Variants in SLC5A7 observed in about 807,000 individuals in gnomAD.
SLC5A7 encodes the protein high affinity choline transporter 1.
Under a neutral mutation model 55.4 loss-of-function variants are expected in SLC5A7, and 19 were observed. The observed-to-expected ratio is 0.34, with a 90% CI of 0.24 to 0.50. The LOEUF is 0.50. Ranked by LOEUF, SLC5A7 falls within the 20% of genes least tolerant of loss-of-function variation. The pLI, the probability that SLC5A7 is intolerant of heterozygous loss-of-function variation, is 0.98. For missense variants in SLC5A7, 506 were observed against 705.3 expected (o/e 0.72, Z 3.20); for synonymous variants, 265 against 263.7 (o/e 1.00, Z -0.05).
Position 108,001,967 on chromosome 2 carries a change from A to G in SLC5A7, c.668A>G (p.Lys223Arg). The change falls in exon 6 of 9, where the codon AAA (lysine) becomes AGA (arginine). Residue 223 changes from lysine (K) to arginine (R), a missense_variant. Physicochemically the swap from Lys to Arg is conservative, Grantham distance 26. Around this residue, in one of 4 missense-constraint regions of SLC5A7, gnomAD observed 309 missense variants for 478.6 expected, o/e 0.65. Transcript: ENST00000264047. The part of the protein sequence containing the change: ...ADIGFTAVHA[K>R]YQKPWLGTVD... ...ATCGGGTTCACTGCTGTGCATGCCAAATACCAAAAGCCGTGGCTGGGAACT... is the reference window on the plus strand; with the variant it reads ...ATCGGGTTCACTGCTGTGCATGCCAGATACCAAAAGCCGTGGCTGGGAACT... 1 of 1,614,228 alleles carries G rather than the reference A, an allele frequency of 6.2e-7. No homozygotes were observed. Among genetic ancestry groups the G allele is most frequent in the Non-Finnish European group, 8.5e-7 (1 of 1,180,036 alleles).
chr2:108,008,704 C>G, intron 8 of SLC5A7, 22 bp downstream of exon 8: 1 of 1,589,314 alleles, frequency 6.3e-7, no homozygotes. Flanking sequence ...TTCTTTCAAC[C>G]TGACATTTAC....
chr2:108,006,223 C>T (rs1678116663), intron 7 of SLC5A7, 21 bp downstream of exon 7: 9 of 1,612,922 alleles, frequency 5.6e-6, no homozygotes, highest in Non-Finnish European at 7.6e-6. Context: ...TGCAGCTTCA[C>T]CACATGTGCC....
At chr2:108,010,044 C>T (rs904929752) in intron 8 of SLC5A7, among the ~76,000 whole-genome samples, 188 bp from the exon 9 acceptor site, 2 of 152,126 alleles carry the variant, frequency 1.3e-5, no homozygotes, top group African/African-American at 4.8e-5. Context: ...TCCCAAAGGT[C>T]CACCCAGGAA....
At chr2:107,997,716 C>A in intron 4 of SLC5A7, 122 bp from the exon 5 acceptor site, 1 of 947,414 alleles carries the variant, frequency 1.1e-6, no homozygotes, top group Non-Finnish European at 1.5e-6. Context: ...GTGTTTTCAT[C>A]CACTGCATTT....
Position 108,006,113 on chromosome 2 carries a change from A to G in SLC5A7, c.806A>G (p.Tyr269Cys). 6.2e-7 allele frequency: 1 copy of G among 1,614,134 alleles called. No homozygotes were observed. Among genetic ancestry groups the G allele is most frequent in the Non-Finnish European group, 8.5e-7 (1 of 1,180,004 alleles). ...GTTCTCTCTTCTTCCTCAGCCACCT[A>G]TGCTCAAGTGCTGTCCTTCCTGGCA... ...QRVLSSSSAT[Y>C]AQVLSFLAAF... Residue 269 changes from tyrosine (Y) to cysteine (C), a missense_variant, in exon 7 of 9, where the codon TAT becomes TGT. By Grantham distance (194) the Tyr-to-Cys change is radical (BLOSUM62 -2). Transcript: ENST00000264047.
chr2:107,993,033 T>A lies in SLC5A7; in HGVS notation c.354T>A (p.Phe118Leu). 1 of 1,614,250 alleles carries A rather than the reference T, an allele frequency of 6.2e-7. No individual in the cohort carries two copies. Among genetic ancestry groups the A allele is most frequent in the East Asian group, 2.2e-5 (1 of 44,886 alleles). ...SKGYVTMLDP[F>L]QQIYGKRMGG... The stretch of plus-strand genomic sequence containing the variant: ...GGTATGTGACCATGTTAGACCCGTT[T>A]CAGCAAATCTATGGAAAACGCATGG... The change falls in exon 4 of 9, where the codon TTT (phenylalanine) becomes TTA (leucine). Residue 118 changes from phenylalanine to leucine, a missense_variant. Around this residue, in one of 4 missense-constraint regions of SLC5A7, gnomAD observed 309 missense variants for 478.6 expected, o/e 0.65. Coordinates refer to ENST00000264047, the MANE Select transcript of SLC5A7 (RefSeq NM_021815.5).
Position 107,997,577 on chromosome 2 carries a change from T to C in SLC5A7, c.449-261T>C, listed in dbSNP as rs1677715545. 2.0e-5 allele frequency among the ~76,000 whole-genome samples: 3 copies of C among 152,220 alleles called. No homozygotes were observed. In the East Asian group the frequency reaches 5.8e-4, roughly 29 times the overall value. On this transcript the variant is annotated intron_variant, in intron 4 of 8. Coordinates refer to ENST00000264047, the MANE Select transcript of SLC5A7 (RefSeq NM_021815.5). ...TTTCTCAGTAATTCAGGGTCTTCTATAACCATACCATGGATCTGTGTGTCC... is the reference window on the plus strand; with the variant it reads ...TTTCTCAGTAATTCAGGGTCTTCTACAACCATACCATGGATCTGTGTGTCC...
chr2:107,999,443 C>T (rs1165098287), intron 5 of SLC5A7, among the ~76,000 whole-genome samples: 1 of 152,138 alleles, frequency 6.6e-6, no homozygotes, highest in Non-Finnish European at 1.5e-5. Flanking sequence ...GAGACTAGAA[C>T]TTAAAACCCA....
chr2:108,006,324 T>C (rs1193642110), intron 7 of SLC5A7, 122 bp downstream of exon 7: 24 of 1,104,256 alleles, frequency 2.2e-5, no homozygotes, highest in Non-Finnish European at 3.1e-5. Context: ...CATTCATATC[T>C]ATAGATTTGT....
At chr2:107,995,723 T>C (rs1424695514) in intron 4 of SLC5A7, among the ~76,000 whole-genome samples, 3 of 152,214 alleles carry the variant, frequency 2.0e-5, no homozygotes, top group African/African-American at 7.2e-5. Context: ...TTTCTGTGAA[T>C]GTGTATAGTT....
At position 108,012,300 on chromosome 2, in the gene SLC5A7, T is replaced by C. The variant is rs1678363017; in HGVS notation, c.*1439T>C. 6.6e-6 allele frequency: 1 copy of C among 152,154 alleles called. No individual in the cohort carries two copies. Among genetic ancestry groups the C allele is most frequent in the South Asian group, 2.1e-4 (1 of 4,832 alleles). 9.4% of individuals were successfully genotyped at this position (152,154 alleles called of 1,614,324 possible). On this transcript the variant is annotated 3_prime_UTR_variant, in exon 9 of 9. Coordinates refer to ENST00000264047, the MANE Select transcript of SLC5A7 (RefSeq NM_021815.5). ...CAAAGTGAAGTGATGAGCTGAAAAG[T>C]GATCAGGGAATCTGATCCCATAAAG...
chr2:107,994,157 G>A (rs1323662113), intron 4 of SLC5A7, among the ~76,000 whole-genome samples: 1 of 152,120 alleles, frequency 6.6e-6, no homozygotes, highest in Non-Finnish European at 1.5e-5. Context: ...TCCCCATAAA[G>A]GTGTGCACTG....
chr2:107,993,195 T>G, intron 4 of SLC5A7, 68 bp downstream of exon 4: 2 of 1,567,526 alleles, frequency 1.3e-6, no homozygotes, highest in Non-Finnish European at 1.7e-6. Flanking sequence ...ACAACCTTAC[T>G]TTCCTCAGCC....
chr2:107,989,205 A>T (rs1378988808), intron 2 of SLC5A7, among the ~76,000 whole-genome samples: 2 of 152,272 alleles, frequency 1.3e-5, no homozygotes, highest in Non-Finnish European at 2.9e-5. Context: ...ATTTCATTAT[A>T]CAGTCTTAGT....
At chr2:107,987,220 A>G (rs1250464886) in intron 1 of SLC5A7, among the ~76,000 whole-genome samples, 2 of 152,170 alleles carry the variant, frequency 1.3e-5, no homozygotes, top group Admixed American at 6.5e-5. Context: ...AAGGTAAAAA[A>G]TAAATAAAAA....
In SLC5A7 at chr2:108,008,665, CT is replaced by C; in HGVS notation, c.1099del (p.Ser367ProfsTer32). On this transcript the variant is annotated frameshift_variant, in exon 8 of 9. Coordinates refer to ENST00000264047, the MANE Select transcript of SLC5A7 (RefSeq NM_021815.5). LOFTEE classifies it high-confidence loss of function. ...CATGTTTGCACGGAACATCTACCAG[CT>C]TTCCTTCAGACAAAATGTAAGAACA... ...SSMFARNIYQLSFRQNASDKE... is the reference protein window; with the variant it reads ...SSMFARNIYQXSFRQNASDKE... The C allele has an allele frequency of 6.2e-7, 1 of 1,612,802 alleles. No homozygotes were observed. Among genetic ancestry groups the C allele is most frequent in the Non-Finnish European group, 8.5e-7 (1 of 1,179,520 alleles).
chr2:107,995,508 C>G (rs1306212355), intron 4 of SLC5A7, among the ~76,000 whole-genome samples: 1 of 140,522 alleles, frequency 7.1e-6, no homozygotes, highest in Non-Finnish European at 1.5e-5. Context: ...TGTGAAGTTA[C>G]TTACTGGGTA....
chr2:108,010,951 A>T lies in SLC5A7; in HGVS notation c.*90A>T. On this transcript the variant is annotated 3_prime_UTR_variant, in exon 9 of 9. Coordinates refer to ENST00000264047, the MANE Select transcript of SLC5A7 (RefSeq NM_021815.5). ...GGTATGCAGCATACAAAAATATATTAAAAATATAAACAATGTTCAGGAGAG... is the reference window on the plus strand; with the variant it reads ...GGTATGCAGCATACAAAAATATATTTAAAATATAAACAATGTTCAGGAGAG... 1.5e-6 allele frequency: 2 copies of T among 1,293,180 alleles called. No homozygotes were observed. Among genetic ancestry groups the T allele is most frequent in the South Asian group, 3.4e-5 (2 of 58,006 alleles). The allele number at this position is 1,293,180 out of a possible 1,614,324, so 80.1% of individuals were successfully genotyped here. A position where few individuals can be genotyped will look rare whatever the true frequency, so the allele number is the denominator to read the frequency against.
chr2:108,006,252 CA>C (rs778788349), intron 7 of SLC5A7, 50 bp downstream of exon 7: 59 of 1,602,110 alleles, frequency 3.7e-5, no homozygotes, highest in Non-Finnish European at 5.0e-5. Flanking sequence ...TACCAATCCC[CA>C]CCCAGACACC....
Sources: allele counts gnomAD v4.1 joint callset (sites outside exome capture counted in the v4.1 genomes callset), GRCh38; gene constraint gnomAD v4.1.1; regional missense constraint gnomAD v4.1.1; transcripts MANE v1.5; gene names NCBI Gene and HGNC (gene_info 2026-07-23, HGNC 2026-07-21).